ADGRL3: variants seen among roughly 807,000 people sequenced by gnomAD.
ADGRL3 encodes adhesion G protein-coupled receptor L3.
Under a neutral mutation model 153.5 loss-of-function variants are expected in ADGRL3, and 62 were observed. The ratio of observed to expected loss-of-function variants is 0.40; its 90% confidence interval spans 0.33 to 0.50. The LOEUF is 0.50. Among genes scored for constraint, ADGRL3 ranks in the 20% least tolerant of loss-of-function variants. The pLI, the probability that ADGRL3 is intolerant of heterozygous loss-of-function variation, is 0.47. For missense variants in ADGRL3, 1,641 were observed against 1,859.4 expected (o/e 0.88, Z 2.16); for synonymous variants, 710 against 672.5 (o/e 1.06, Z -0.86).
In ADGRL3 at chr4:61,828,198, A is replaced by G. The variant is rs550843356; in HGVS notation, c.1480+14309A>G. Among the ~76,000 whole-genome samples the G allele has an allele frequency of 2.3e-3, 347 of 152,222 alleles. 1 individual carries two copies. Among genetic ancestry groups the G allele is most frequent in the Non-Finnish European group, 3.6e-3 (248 of 68,012 alleles). On this transcript the variant is annotated intron_variant, in intron 9 of 26. Transcript: ENST00000683033. ...TTTCTTTGTTTCACAAATTTGAATA[A>G]TTGTAGTTCTTCATTTCAATGTGCC...
At chr4:61,229,910 A>G (rs1417860497) in intron 1 of ADGRL3, among the ~76,000 whole-genome samples, 3 of 151,622 alleles carry the variant, frequency 2.0e-5, no homozygotes, top group Non-Finnish European at 4.4e-5. Context: ...TTAAATATAT[A>G]TATATATACA....
chr4:61,974,278 A>G (rs1412327147), intron 17 of ADGRL3, among the ~76,000 whole-genome samples: 2 of 152,168 alleles, frequency 1.3e-5, no homozygotes, highest in Admixed American at 6.5e-5. Flanking sequence ...CACTATAGGC[A>G]TTTTTATAGC....
chr4:61,720,529 G>C (rs919904190), intron 6 of ADGRL3, among the ~76,000 whole-genome samples: 4 of 152,186 alleles, frequency 2.6e-5, no homozygotes, highest in African/African-American at 9.7e-5. Flanking sequence ...TAACTTAGCA[G>C]ATAAAGCACT....
At chr4:61,810,736 T>C (rs1242482346) in intron 8 of ADGRL3, among the ~76,000 whole-genome samples, 1 of 152,126 alleles carries the variant, frequency 6.6e-6, no homozygotes, top group Non-Finnish European at 1.5e-5. Context: ...CTGGCATACC[T>C]GACAGTGGAG....
intron 5 of ADGRL3, among the ~76,000 whole-genome samples, chr4:61,627,079 C>T (rs2092876120): frequency 6.6e-6 from 1 of 152,076 alleles, no homozygotes; most frequent in Non-Finnish European, 1.5e-5. Context: ...TAAAATAACC[C>T]TCTACCCTTT....
intron 1 of ADGRL3, among the ~76,000 whole-genome samples, chr4:61,207,945 G>C (rs760659926): frequency 1.6e-4 from 25 of 152,178 alleles, no homozygotes; most frequent in Non-Finnish European, 3.5e-4. Flanking sequence ...AAAATGATTA[G>C]ATGTCCAACC....
intron 1 of ADGRL3, among the ~76,000 whole-genome samples, chr4:61,307,559 A>G (rs188935714): frequency 2.0e-5 from 3 of 152,326 alleles, no homozygotes; most frequent in Admixed American, 6.5e-5. Context: ...TGAAATAAAA[A>G]TATTTTTAAT....
chr4:61,437,942 A>C (rs2097473076), intron 2 of ADGRL3, among the ~76,000 whole-genome samples: 1 of 152,158 alleles, frequency 6.6e-6, no homozygotes. Context: ...CCAAATTCTT[A>C]TGACACACAT....
rs568258335 is a variant in ADGRL3, at chr4:61,735,006, C to T, written c.1399+1452C>T. ...ATTTTCTGCATTATGTTTCAAATTA[C>T]TCTTTTATTAGCATGACATTCTTCT... On this transcript the variant is annotated intron_variant, in intron 8 of 26. Transcript: ENST00000683033. Among the ~76,000 whole-genome samples, 13 of 152,274 alleles carry T rather than the reference C, an allele frequency of 8.5e-5. 1 individual carries two copies. In the South Asian group the frequency reaches 2.7e-3, roughly 32 times the overall value.
intron 21 of ADGRL3, among the ~76,000 whole-genome samples, chr4:62,015,245 C>A (rs1259096184): frequency 5.3e-5 from 8 of 152,142 alleles, no homozygotes; most frequent in Non-Finnish European, 1.2e-4. Flanking sequence ...ATCAAGGTCC[C>A]TGGCACTTTT....
At chr4:61,453,396 T>A (rs1185658528) in intron 2 of ADGRL3, among the ~76,000 whole-genome samples, 1 of 152,170 alleles carries the variant, frequency 6.6e-6, no homozygotes, top group African/African-American at 2.4e-5. Flanking sequence ...TATGTTTATA[T>A]TTATCATCTT....
At chr4:61,889,855 A>T (rs542605807) in intron 9 of ADGRL3, among the ~76,000 whole-genome samples, 1 of 152,208 alleles carries the variant, frequency 6.6e-6, no homozygotes, top group Non-Finnish European at 1.5e-5. Context: ...GTAGTTTGTC[A>T]TAGTGAAAAT....
At chr4:61,219,410 T>C (rs1560363839) in intron 1 of ADGRL3, among the ~76,000 whole-genome samples, 1 of 152,218 alleles carries the variant, frequency 6.6e-6, no homozygotes, top group Non-Finnish European at 1.5e-5. Flanking sequence ...TTTTAAATGC[T>C]GTATGAAAAC....
At chr4:61,590,729 G>A (rs2098965884) in intron 5 of ADGRL3, among the ~76,000 whole-genome samples, 1 of 152,098 alleles carries the variant, frequency 6.6e-6, no homozygotes, top group African/African-American at 2.4e-5. Flanking sequence ...GGCTCTTTCA[G>A]CTGAATGATA....
At chr4:61,509,124 C>CTTTT (rs57550950) in intron 3 of ADGRL3, among the ~76,000 whole-genome samples, 85 of 118,536 alleles carry the variant, frequency 7.2e-4, no homozygotes, top group African/African-American at 1.0e-3. Context: ...CATATCACAT[C>CTTTT]TTTTTTTTTT....
intron 8 of ADGRL3, among the ~76,000 whole-genome samples, chr4:61,769,619 G>A (rs1210905252): frequency 6.6e-6 from 1 of 152,140 alleles, no homozygotes; most frequent in Non-Finnish European, 1.5e-5. Flanking sequence ...TCACCTGGGT[G>A]CAGGCAGGCT....
chr4:61,589,169 T>C (rs1295590957), intron 5 of ADGRL3, among the ~76,000 whole-genome samples: 1 of 152,076 alleles, frequency 6.6e-6, no homozygotes, highest in East Asian at 1.9e-4. Flanking sequence ...GCACCGTTAG[T>C]AAATCACTTG....
chr4:61,643,175 A>T (rs1275591791), intron 5 of ADGRL3, among the ~76,000 whole-genome samples: 1 of 152,082 alleles, frequency 6.6e-6, no homozygotes, highest in Non-Finnish European at 1.5e-5. Flanking sequence ...TTATCAGCTT[A>T]AGGAGATTTT....
At chr4:61,480,584 G>C (rs1421689905) in intron 2 of ADGRL3, among the ~76,000 whole-genome samples, 1 of 71,408 alleles carries the variant, frequency 1.4e-5, no homozygotes, top group Admixed American at 2.1e-4. Context: ...TCAGGAGTTC[G>C]ACCAGCCTGG....
Sources: gnomAD v4.1 joint callset for allele counts (sites outside exome capture counted in the v4.1 genomes callset) on GRCh38, gnomAD v4.1.1 for gene constraint, MANE v1.5 for transcripts, NCBI Gene and HGNC (gene_info 2026-07-23, HGNC 2026-07-21) for gene names.